Variants in EPB41L2 observed in about 807,000 individuals in gnomAD.
EPB41L2 encodes the protein band 4.1-like protein 2.
In EPB41L2, 43 loss-of-function variants were observed where a neutral mutation model predicts 113.0. That is an observed-to-expected ratio of 0.38 (90% CI 0.30 to 0.49). The LOEUF is 0.49. EPB41L2 is among the 20% of genes least tolerant of loss of function. EPB41L2 has a pLI of 0.95. For missense variants in EPB41L2, 1,147 were observed against 1,223.4 expected (o/e 0.94, Z 0.93); for synonymous variants, 442 against 436.7 (o/e 1.01, Z -0.15).
chr6:130,870,227 A>T, intron 14 of EPB41L2, 101 bp from the exon 15 acceptor site: 1 of 1,527,896 alleles, frequency 6.5e-7, no homozygotes, highest in Non-Finnish European at 8.9e-7. Flanking sequence ...CATGGAGAAA[A>T]ACAAAGATGA....
At chr6:131,046,696 CTT>C (rs1489417930) in intron 1 of EPB41L2, among the ~76,000 whole-genome samples, 2 of 152,130 alleles carry the variant, frequency 1.3e-5, no homozygotes, top group Admixed American at 6.6e-5. Flanking sequence ...CATTCCATTT[CTT>C]TTTTAAGGGG....
At chr6:130,923,508 G>C (rs1803582315) in intron 4 of EPB41L2, among the ~76,000 whole-genome samples, 2 of 152,186 alleles carry the variant, frequency 1.3e-5, no homozygotes, top group Non-Finnish European at 2.9e-5. Flanking sequence ...CAGTTTTTAA[G>C]CAGACAGCTG....
chr6:131,061,114 T>C (rs1189223062), intron 1 of EPB41L2, among the ~76,000 whole-genome samples: 1 of 152,182 alleles, frequency 6.6e-6, no homozygotes, highest in East Asian at 1.9e-4. Context: ...GGACTAGTGG[T>C]TAAAGATTAA....
chr6:130,900,027 T>C (rs896964466), intron 7 of EPB41L2, among the ~76,000 whole-genome samples: 4 of 152,206 alleles, frequency 2.6e-5, no homozygotes, highest in Non-Finnish European at 5.9e-5. Context: ...CACAAATCAA[T>C]TGTCCATACT....
Position 130,892,403 on chromosome 6 carries a change from C to CTTTT in EPB41L2, c.1487+1937_1488-1938dup, listed in dbSNP as rs60350565. Among the ~76,000 whole-genome samples, 16 of 92,630 alleles carry CTTTT rather than the reference C, an allele frequency of 1.7e-4. 2 individuals carry two copies. Among genetic ancestry groups the CTTTT allele is most frequent in the East Asian group, 2.3e-4 (1 of 4,302 alleles). The allele number at this position is 92,630 out of a possible 152,430, so 60.8% of individuals were successfully genotyped here. On this transcript the variant is annotated intron_variant, in intron 10 of 19. Transcript: ENST00000337057. Reference sequence around the variant, plus strand: ...CTTGCCATTTCTGAACAGATTATTGCTTTTTTTTTTTTTTTTTTTATCATT... The same window carrying CTTTT: ...CTTGCCATTTCTGAACAGATTATTGCTTTTTTTTTTTTTTTTTTTTTTTATCATT...
chr6:130,982,615 T>C (rs1779630032), intron 1 of EPB41L2, among the ~76,000 whole-genome samples: 2 of 152,218 alleles, frequency 1.3e-5, no homozygotes, highest in Admixed American at 1.3e-4. Context: ...AAGAACTCAA[T>C]ATTCCAAGAA....
intron 14 of EPB41L2, among the ~76,000 whole-genome samples, chr6:130,875,288 C>A (rs1229117236): frequency 6.6e-6 from 1 of 152,184 alleles, no homozygotes; most frequent in Non-Finnish European, 1.5e-5. Flanking sequence ...ATTCCTCATC[C>A]AGTGCCAGGG....
At position 130,849,050 on chromosome 6, in the gene EPB41L2, C is replaced by A. The variant is rs143345786; in HGVS notation, c.*6-8452G>T. Among the ~76,000 whole-genome samples, 562 of 152,264 alleles carry A rather than the reference C, an allele frequency of 3.7e-3. 3 individuals carry two copies. Among genetic ancestry groups the A allele is most frequent in the Non-Finnish European group, 4.4e-3 (301 of 68,014 alleles). ...CAAAGTCATAACCACCACCCCAACA[C>A]GGTCAGAGGCCAGATGGGTAACATA... is the stretch of plus-strand genomic sequence containing the variant. On this transcript the variant is annotated intron_variant, in intron 19 of 19. Transcript: ENST00000337057.
intron 1 of EPB41L2, among the ~76,000 whole-genome samples, chr6:130,987,703 GA>G (rs1780897071): frequency 7.2e-6 from 1 of 138,914 alleles, no homozygotes; most frequent in Non-Finnish European, 1.5e-5. Context: ...ATAAATGAAT[GA>G]ATGAATGAAT....
At chr6:130,856,581 G>T (rs963270788) in intron 19 of EPB41L2, among the ~76,000 whole-genome samples, 1 of 152,240 alleles carries the variant, frequency 6.6e-6, no homozygotes, top group Admixed American at 6.5e-5. Context: ...GCTGTAAAAT[G>T]GTAGGAATCC....
chr6:130,984,395 C>T (rs1419655843), intron 1 of EPB41L2, among the ~76,000 whole-genome samples: 3 of 152,158 alleles, frequency 2.0e-5, no homozygotes, highest in Non-Finnish European at 4.4e-5. Context: ...TGTGCTAGAT[C>T]TTTATGTGAT....
At chr6:130,981,784 A>G (rs1779429054) in intron 1 of EPB41L2, among the ~76,000 whole-genome samples, 1 of 152,242 alleles carries the variant, frequency 6.6e-6, no homozygotes, top group Admixed American at 6.5e-5. Flanking sequence ...AAGCTAAAAT[A>G]GCATGTCCAT....
At chr6:131,023,343 C>G (rs1395682012) in intron 1 of EPB41L2, among the ~76,000 whole-genome samples, 1 of 152,152 alleles carries the variant, frequency 6.6e-6, no homozygotes, top group Non-Finnish European at 1.5e-5. Flanking sequence ...TTCATCTTCC[C>G]TCCAAAATTA....
At chr6:130,855,155 CCT>C (rs1779829541) in intron 19 of EPB41L2, among the ~76,000 whole-genome samples, 3 of 41,664 alleles carry the variant, frequency 7.2e-5, no homozygotes, top group Non-Finnish European at 1.7e-4. Context: ...TTAAGACCAG[CCT>C]GGCCAACATG....
At chr6:130,895,270 C>T in intron 8 of EPB41L2, 151 bp from the exon 9 acceptor site, 1 of 815,588 alleles carries the variant, frequency 1.2e-6, no homozygotes, top group Middle Eastern at 2.4e-4. Flanking sequence ...TTAATGAAAA[C>T]TATGGCGCAC....
intron 11 of EPB41L2, among the ~76,000 whole-genome samples, chr6:130,886,639 G>GTTGTTGTTGTTGT (rs1554258090): frequency 6.6e-6 from 1 of 151,440 alleles, no homozygotes; most frequent in Non-Finnish European, 1.5e-5. Context: ...TGTTGTTGTT[G>GTTGTTGTTGTTGT]TTGTTTGTTT....
Position 130,956,274 on chromosome 6 carries a change from C to G in EPB41L2, c.212G>C (p.Ser71Thr), listed in dbSNP as rs759178203. Residue 71 changes from serine (S) to threonine (T), a missense_variant, in exon 2 of 20, where the codon AGC becomes ACC. Physicochemically the swap from Ser to Thr is moderately conservative, Grantham distance 58. Transcript: ENST00000337057. ...RQKREKETSE[S>T]RGISRFIPPW... ...CGGTATGAACCGAGAAATACCCCTG[C>G]TCTCCGATGTTTCCTTCTCTCTCTT... The G allele has an allele frequency of 1.7e-5, 28 of 1,614,186 alleles. No individual in the cohort carries two copies. The highest frequency in any genetic ancestry group is 2.4e-5 in the Non-Finnish European group (28 of 1,180,034).
intron 4 of EPB41L2, among the ~76,000 whole-genome samples, chr6:130,920,327 C>T (rs899793030): frequency 1.3e-5 from 2 of 152,190 alleles, no homozygotes; most frequent in Non-Finnish European, 2.9e-5. Flanking sequence ...CCATATGCAG[C>T]TAATGGCTGC....
intron 1 of EPB41L2, among the ~76,000 whole-genome samples, chr6:131,054,152 G>T (rs1797165451): frequency 6.6e-6 from 1 of 152,188 alleles, no homozygotes; most frequent in South Asian, 2.1e-4. Context: ...AGAATCCATG[G>T]ATCTCTCCAG....
Sources: gnomAD v4.1 joint callset for allele counts (sites outside exome capture counted in the v4.1 genomes callset) on GRCh38, gnomAD v4.1.1 for gene constraint, MANE v1.5 for transcripts, NCBI Gene and HGNC (gene_info 2026-07-23, HGNC 2026-07-21) for gene names.